The following ELANE variants were observed in gnomAD, a reference collection of about 807,000 sequenced individuals.
The protein encoded by ELANE is elastase, neutrophil expressed.
ELANE carries 12 observed loss-of-function variants against 20.6 expected under a neutral mutation model. The observed-to-expected ratio is 0.58, with a 90% CI of 0.37 to 0.94. ELANE has a LOEUF of 0.94. Among genes scored for constraint, ELANE ranks in the 40% least tolerant of loss-of-function variants. The pLI, the probability that ELANE is intolerant of heterozygous loss-of-function variation, is 0.01. For synonymous variants in ELANE, 203 were observed against 177.4 expected (o/e 1.14, Z -1.15); for missense variants, 388 against 395.2 (o/e 0.98, Z 0.15).
rs2035659220 is a variant in ELANE at position 855,273 on chromosome 19, G to A, written c.367-291G>A. ...CCCAAAGTGCTGGGCTTACAAGCATGAGCCACCGCGCCCGGCTGTAGTTTT... is the reference window on the plus strand; with the variant it reads ...CCCAAAGTGCTGGGCTTACAAGCATAAGCCACCGCGCCCGGCTGTAGTTTT... On this transcript the variant is annotated intron_variant, in intron 3 of 4. Transcript: ENST00000263621. This position sits in a 1 kb window ranked among gnomAD's most constrained non-coding sequence, Gnocchi z 6.2. 6.6e-6 allele frequency among the ~76,000 whole-genome samples: 1 copy of A among 152,118 alleles called. No homozygotes were observed. The highest frequency in any genetic ancestry group is 1.5e-5 in the Non-Finnish European group (1 of 68,034).
In ELANE at chr19:855,467, C is replaced by A; in HGVS notation, c.367-97C>A. 1.5e-6 allele frequency: 2 copies of A among 1,344,866 alleles called. No individual in the cohort carries two copies. Among genetic ancestry groups the A allele is most frequent in the African/African-American group, 1.4e-5 (1 of 69,174 alleles). The allele number at this position is 1,344,866 out of a possible 1,614,324, so 83.3% of individuals were successfully genotyped here. On this transcript the variant is annotated intron_variant, in intron 3 of 4. Coordinates refer to ENST00000263621, the MANE Select transcript of ELANE (RefSeq NM_001972.4). This position sits in a 1 kb window ranked among gnomAD's most constrained non-coding sequence, Gnocchi z 6.2. ...CCTGCCCTGCAGGATCCCAGAACCA[C>A]AGTGGAACCTGAGATGGGGAAACTG...
At chr19:854,523 GC>G (rs2035644522) in intron 3 of ELANE, among the ~76,000 whole-genome samples, 1 of 150,890 alleles carries the variant, frequency 6.6e-6, no homozygotes, top group African/African-American at 2.4e-5. Context: ...GTGCAGTGGC[GC>G]GATCGCAGCT....
intron 1 of ELANE, 121 bp downstream of exon 1, chr19:852,516 AAGG>A: frequency 8.2e-7 from 1 of 1,219,298 alleles, no homozygotes; most frequent in Non-Finnish European, 1.1e-6. Context: ...CAGCTGGGAC[AAGG>A]AGACCAGAAG....
chr19:855,798 C>G lies in ELANE; in HGVS notation c.597+4C>G, dbSNP rs1451132731. The G allele has an allele frequency of 2.5e-6, 4 of 1,608,340 alleles. No individual in the cohort carries two copies. In the East Asian group the frequency reaches 6.7e-5, roughly 27 times the overall value. On this transcript the variant is annotated splice_donor_region_variant and intron_variant, in intron 4 of 4. Transcript: ENST00000263621. The surrounding 1 kb of genome is among the most constrained non-coding windows in gnomAD (Gnocchi z 6.2). ...CCGGCAGGCCGGCGTCTGTTTCGTA[C>G]GTGCCCTGGGTGTCCCTCTGCTCCC...
In ELANE at chr19:853,359, G is replaced by C. The variant is rs1221333968; in HGVS notation, c.322G>C (p.Gly108Arg). The change falls in exon 3 of 5, where the codon GGC becomes CGC. Residue 108 changes from glycine (G) to arginine (R), a missense_variant. Gly to Arg is a moderately radical substitution (Grantham distance 125). Around this residue, in one of 3 missense-constraint regions of ELANE, gnomAD observed 321 missense variants for 309.8 expected, o/e 1.04. Transcript: ENST00000263621. Reference sequence around the variant, plus strand: ...CGCCGTGCAGCGCATCTTCGAAAACGGCTACGACCCCGTAAACTTGCTCAA... The same window carrying C: ...CGCCGTGCAGCGCATCTTCGAAAACCGCTACGACCCCGTAAACTTGCTCAA... The part of the protein sequence containing the change: ...VFAVQRIFEN[G>R]YDPVNLLNDI... 9.3e-6 allele frequency: 15 copies of C among 1,611,640 alleles called. No individual in the cohort carries two copies. Among genetic ancestry groups the C allele is most frequent in the Middle Eastern group, 1.7e-4 (1 of 6,054 alleles).
intron 3 of ELANE, among the ~76,000 whole-genome samples, chr19:854,174 T>C (rs898640480): frequency 6.6e-6 from 1 of 152,162 alleles, no homozygotes; most frequent in African/African-American, 2.4e-5. Context: ...CCGGGCCCCG[T>C]GGCTCAGGCC....
Position 853,416 on chromosome 19 carries a change from G to A in ELANE, c.366+13G>A. The A allele has an allele frequency of 1.3e-6, 2 of 1,588,084 alleles. No individual in the cohort carries two copies. Among genetic ancestry groups the A allele is most frequent in the Non-Finnish European group, 1.7e-6 (2 of 1,168,136 alleles). On this transcript the variant is annotated intron_variant, in intron 3 of 4. Coordinates refer to ENST00000263621, the MANE Select transcript of ELANE (RefSeq NM_001972.4). ...CGTGATTCTCCAGGTGCCGCCGGGCGGGGCGGGGGGCGCAGGGGCGGAGGC... is the reference window on the plus strand; with the variant it reads ...CGTGATTCTCCAGGTGCCGCCGGGCAGGGCGGGGGGCGCAGGGGCGGAGGC...
chr19:852,465 G>A, intron 1 of ELANE, 70 bp downstream of exon 1: 3 of 1,551,560 alleles, frequency 1.9e-6, no homozygotes, highest in Admixed American at 1.9e-5. Context: ...TCCATAGAGG[G>A]CCCCACCAGT....
chr19:852,594 AG>A lies in ELANE; in HGVS notation c.67+210del, dbSNP rs371057361. On this transcript the variant is annotated intron_variant, in intron 1 of 4. Transcript: ENST00000263621. Reference sequence around the variant, plus strand: ...CAGAGTTGGGGTTTGAAAACCGGGGAGGGGGGGGGGGTCGCAGGTCGCCCTC... The same window carrying A: ...CAGAGTTGGGGTTTGAAAACCGGGGAGGGGGGGGGGTCGCAGGTCGCCCTC... Among the ~76,000 whole-genome samples, 20,939 of 76,648 alleles carry A rather than the reference AG, an allele frequency of 0.27. 1,041 individuals are homozygous for A. The highest frequency in any genetic ancestry group is 0.31 in the South Asian group (583 of 1,908). The allele number at this position is 76,648 out of a possible 152,430, so 50.3% of individuals were successfully genotyped here. A position where few individuals can be genotyped will look rare whatever the true frequency, so the allele number is the denominator to read the frequency against.
In ELANE at chr19:855,762, C is replaced by A. The variant is rs200592180; in HGVS notation, c.565C>A (p.Leu189Ile). The change falls in exon 4 of 5, where the codon CTC becomes ATC. Residue 189 changes from leucine (L) to isoleucine (I), a missense_variant. Leu to Ile is a conservative substitution (Grantham distance 5). This residue lies in a region of ELANE where 321 missense variants were observed against 309.8 expected (regional missense o/e 1.04). Coordinates refer to ENST00000263621, the MANE Select transcript of ELANE (RefSeq NM_001972.4). This position sits in a 1 kb window ranked among gnomAD's most constrained non-coding sequence, Gnocchi z 6.2. ...CTGCCGTCGCAGCAACGTCTGCACT[C>A]TCGTGAGGGGCCGGCAGGCCGGCGT... ...SLCRRSNVCTLVRGRQAGVCF... is the reference protein window; with the variant it reads ...SLCRRSNVCTIVRGRQAGVCF... 1.9e-5 allele frequency: 31 copies of A among 1,609,254 alleles called. No homozygotes were observed. The highest frequency in any genetic ancestry group is 2.5e-5 in the Non-Finnish European group (30 of 1,179,960).
chr19:854,696 A>C (rs1449374145), intron 3 of ELANE, among the ~76,000 whole-genome samples: 5 of 146,386 alleles, frequency 3.4e-5, no homozygotes, highest in Non-Finnish European at 6.0e-5. Context: ...TATTTTATTT[A>C]AATAAAATAT....
In ELANE at chr19:852,961, A is replaced by G; in HGVS notation, c.153A>G (p.Gly51=). The change falls in exon 2 of 5, where the codon GGA becomes GGG. Residue 51 remains glycine (G), a synonymous_variant. Transcript: ENST00000263621. ...TCATGGTGTCCCTGCAGCTGCGCGG[A>G]GGCCACTTCTGCGGCGCCACCCTGA... ...WPFMVSLQLR[G]GHFCGATLIA... 6.3e-7 allele frequency: 1 copy of G among 1,591,940 alleles called. No homozygotes were observed. Among genetic ancestry groups the G allele is most frequent in the Non-Finnish European group, 8.5e-7 (1 of 1,175,502 alleles).
intron 1 of ELANE, 135 bp from the exon 2 acceptor site, chr19:852,741 G>A: frequency 7.7e-7 from 1 of 1,301,818 alleles, no homozygotes; most frequent in Non-Finnish European, 1.0e-6. Flanking sequence ...GATCCCGTGG[G>A]TTCCCGGTGG....
Position 852,800 on chromosome 19 carries a change from G to T in ELANE, c.68-76G>T, listed in dbSNP as rs987502886. The T allele has an allele frequency of 3.9e-6, 6 of 1,534,054 alleles. No individual in the cohort carries two copies. The African/African-American group carries it at 5.5e-5, about 14-fold the overall frequency. On this transcript the variant is annotated intron_variant, in intron 1 of 4. Coordinates refer to ENST00000263621, the MANE Select transcript of ELANE (RefSeq NM_001972.4). ...GGGATCCCGTGGGTTCCTGGTGGGGGATCCAGAGGCCCCGTGGCCGGGAGG... is the reference window on the plus strand; with the variant it reads ...GGGATCCCGTGGGTTCCTGGTGGGGTATCCAGAGGCCCCGTGGCCGGGAGG...
In ELANE at chr19:855,672, C is replaced by T. The variant is rs2035666580; in HGVS notation, c.475C>T (p.Leu159=). The part of the protein sequence containing the change: ...VQCLAMGWGL[L]GRNRGIASVL... ...GTGCCTGGCCATGGGCTGGGGCCTT[C>T]TGGGCAGGAACCGTGGGATCGCCAG... is the stretch of plus-strand genomic sequence containing the variant. The change falls in exon 4 of 5, where the codon CTG becomes TTG. Residue 159 remains leucine, a synonymous_variant. Transcript: ENST00000263621. The surrounding 1 kb of genome is among the most constrained non-coding windows in gnomAD (Gnocchi z 6.2). The T allele has an allele frequency of 5.0e-6, 8 of 1,608,742 alleles. No individual in the cohort carries two copies. The highest frequency in any genetic ancestry group is 1.3e-5 in the African/African-American group (1 of 75,066).
rs563764161 is a variant in ELANE, at chr19:855,405, G to A, written c.367-159G>A. Among the ~76,000 whole-genome samples the A allele has an allele frequency of 1.7e-4, 26 of 152,294 alleles. No individual in the cohort carries two copies. The highest frequency in any genetic ancestry group is 8.3e-4 in the South Asian group (4 of 4,826). On this transcript the variant is annotated intron_variant, in intron 3 of 4. Transcript: ENST00000263621. The surrounding 1 kb of genome is among the most constrained non-coding windows in gnomAD (Gnocchi z 6.2). ...CTCCCACTCTACAGATGGGGAAACC[G>A]AGGCTTGCCTTGGGGAGCAGAGTGT...
In ELANE at chr19:855,395, T is replaced by C. The variant is rs1472839673; in HGVS notation, c.367-169T>C. Among the ~76,000 whole-genome samples the C allele has an allele frequency of 2.6e-5, 4 of 152,156 alleles. No individual in the cohort carries two copies. Among genetic ancestry groups the C allele is most frequent in the Admixed American group, 2.6e-4 (4 of 15,268 alleles). Reference sequence around the variant, plus strand: ...TTGGTGACGGCTCCCACTCTACAGATGGGGAAACCGAGGCTTGCCTTGGGG... The same window carrying C: ...TTGGTGACGGCTCCCACTCTACAGACGGGGAAACCGAGGCTTGCCTTGGGG... On this transcript the variant is annotated intron_variant, in intron 3 of 4. Transcript: ENST00000263621. The surrounding 1 kb of genome is among the most constrained non-coding windows in gnomAD (Gnocchi z 6.2).
intron 3 of ELANE, 101 bp downstream of exon 3, chr19:853,504 T>C (rs1156782515): frequency 1.4e-6 from 2 of 1,402,494 alleles, no homozygotes; most frequent in African/African-American, 2.9e-5. Flanking sequence ...CGTGGGGACC[T>C]GGGGTGGCAT....
rs750610201 is a variant in ELANE, at chr19:855,552, C to CCA, written c.367-10_367-9dup. 64 of 1,598,264 alleles carry CCA rather than the reference C, an allele frequency of 4.0e-5. No homozygotes were observed. The highest frequency in any genetic ancestry group is 4.9e-5 in the Non-Finnish European group (58 of 1,179,554). ...CGTGTGACGCGCTGACGATCTGTCC[C>CCA]CACCGCCACAGCTCAACGGGTCGGC... On this transcript the variant is annotated splice_polypyrimidine_tract_variant and intron_variant, in intron 3 of 4. Coordinates refer to ENST00000263621, the MANE Select transcript of ELANE (RefSeq NM_001972.4). The surrounding 1 kb of genome is among the most constrained non-coding windows in gnomAD (Gnocchi z 6.2).
Sources: allele counts gnomAD v4.1 joint callset (sites outside exome capture counted in the v4.1 genomes callset), GRCh38; gene constraint gnomAD v4.1.1; regional missense constraint gnomAD v4.1.1; non-coding constraint Gnocchi (gnomAD v3.1); transcripts MANE v1.5; gene names NCBI Gene and HGNC (gene_info 2026-07-23, HGNC 2026-07-21).